KALRN: variants seen among roughly 807,000 people sequenced by gnomAD.
KALRN encodes kalirin RhoGEF kinase.
Under a neutral mutation model 353.7 loss-of-function variants are expected in KALRN, and 70 were observed. That is an observed-to-expected ratio of 0.20 (90% CI 0.16 to 0.24). The LOEUF (loss-of-function observed/expected upper bound fraction) is 0.24. Ranked by LOEUF, KALRN falls within the 10% of genes least tolerant of loss-of-function variation. The pLI is 1.00. For missense variants in KALRN, 2,791 were observed against 3,756.7 expected, an observed-to-expected ratio of 0.74 and a Z score of 6.72; for synonymous variants, 1,391 against 1,434.8, an observed-to-expected ratio of 0.97 and a Z score of 0.69.
intron 34 of KALRN, among the ~76,000 whole-genome samples, chr3:124,604,824 CCA>C (rs1391439563): frequency 6.7e-6 from 1 of 150,374 alleles, no homozygotes; most frequent in Admixed American, 6.6e-5. Flanking sequence ...GTAGGTGGGA[CCA>C]CAAGGATGTG....
intron 1 of KALRN, among the ~76,000 whole-genome samples, chr3:124,077,566 A>T (rs2149299352): frequency 6.6e-6 from 1 of 151,500 alleles, no homozygotes; most frequent in African/African-American, 2.4e-5. Flanking sequence ...GATCATCCTT[A>T]ATTGTCCCCG....
intron 1 of KALRN, among the ~76,000 whole-genome samples, chr3:124,197,304 T>C (rs945164198): frequency 5.3e-5 from 8 of 152,246 alleles, no homozygotes; most frequent in African/African-American, 1.4e-4. Flanking sequence ...GGGGAGAAGA[T>C]GCTTACTTTC....
chr3:124,185,065 G>C (rs2074052965), intron 1 of KALRN, among the ~76,000 whole-genome samples: 1 of 152,126 alleles, frequency 6.6e-6, no homozygotes, highest in Non-Finnish European at 1.5e-5. Flanking sequence ...GCCCAAGCTG[G>C]AGTGCAATGG....
At chr3:124,292,575 G>C (rs748656124) in intron 5 of KALRN, among the ~76,000 whole-genome samples, 10 of 152,086 alleles carry the variant, frequency 6.6e-5, no homozygotes, top group African/African-American at 2.2e-4. Context: ...CTCTGAGTGC[G>C]TGAAGGTGGA....
intron 18 of KALRN, among the ~76,000 whole-genome samples, chr3:124,439,933 G>T (rs1042743365): frequency 6.6e-6 from 1 of 152,180 alleles, no homozygotes; most frequent in Admixed American, 6.5e-5. Flanking sequence ...GGGAATAGAA[G>T]AGACAATTTT....
At chr3:124,222,819 G>A (rs1220596508) in intron 1 of KALRN, among the ~76,000 whole-genome samples, 1 of 152,034 alleles carries the variant, frequency 6.6e-6, no homozygotes, top group Non-Finnish European at 1.5e-5. Context: ...TGCCTATGCT[G>A]GTCTCAAACT....
chr3:124,688,522 C>G (rs1333259004), intron 51 of KALRN, among the ~76,000 whole-genome samples: 1 of 151,990 alleles, frequency 6.6e-6, no homozygotes, highest in Non-Finnish European at 1.5e-5. Context: ...AATACAGGTT[C>G]ATATGAAACA....
At chr3:124,242,243 A>G (rs983538266) in intron 3 of KALRN, among the ~76,000 whole-genome samples, 50 of 152,366 alleles carry the variant, frequency 3.3e-4, no homozygotes, top group African/African-American at 1.2e-3. Flanking sequence ...ACTAGCATTT[A>G]TTAATCAATT....
rs369965645 is a variant in KALRN at position 124,713,941 on chromosome 3, C to T, written c.8276+806C>T. Among the ~76,000 whole-genome samples, 21 of 152,162 alleles carry T rather than the reference C, an allele frequency of 1.4e-4. No homozygotes were observed. The East Asian group carries it at 2.9e-3, about 21-fold the overall frequency. ...CAGCTTTTCAACTACCATGTTAGTC[C>T]GGCTCTTGCGTGCTTGTTAGTCTAG... On this transcript the variant is annotated intron_variant, in intron 58 of 59. Transcript: ENST00000682506.
Position 124,632,499 on chromosome 3 carries a change from C to T in KALRN, c.5262C>T (p.Asn1754=), listed in dbSNP as rs1247361084. 6 of 1,614,214 alleles carry T rather than the reference C, an allele frequency of 3.7e-6. No homozygotes were observed. In the East Asian group the frequency reaches 8.9e-5, roughly 24 times the overall value. ...VANLQAQPSL[N]SIHSSPGPKR... is the part of the protein sequence containing the mutation. ...ACCTGCAGGCCCAGCCCTCCCTGAA[C>T]TCCATCCACAGTTCCCCGGGTCCCA... is the stretch of plus-strand genomic sequence containing the variant. Residue 1754 remains asparagine, a synonymous_variant, in exon 35 of 60, where the codon AAC becomes AAT. Transcript: ENST00000682506.
chr3:124,237,647 G>A (rs1333609218), intron 3 of KALRN, among the ~76,000 whole-genome samples: 2 of 152,164 alleles, frequency 1.3e-5, no homozygotes, highest in Non-Finnish European at 2.9e-5. Context: ...ACAGGCATGA[G>A]CCACCTCTCC....
In KALRN at chr3:124,714,889, A is replaced by G. The variant is rs996458976; in HGVS notation, c.8276+1754A>G. ...AAATTAGCTGGACATGGTGGCAGGC[A>G]CCTGTAATCCCAGCTACTCGGGAGG... On this transcript the variant is annotated intron_variant, in intron 58 of 59. Transcript: ENST00000682506. Among the ~76,000 whole-genome samples the G allele has an allele frequency of 2.6e-5, 4 of 151,984 alleles. No individual in the cohort carries two copies. The East Asian group carries it at 7.7e-4, about 29-fold the overall frequency.
intron 5 of KALRN, among the ~76,000 whole-genome samples, chr3:124,286,091 C>CTTTCTTTT (rs1553893936): frequency 1.5e-5 from 2 of 136,192 alleles, no homozygotes; most frequent in East Asian, 2.2e-4. Context: ...TCCTTTCTTT[C>CTTTCTTTT]TTTCTTTCTT....
intron 1 of KALRN, among the ~76,000 whole-genome samples, chr3:124,081,997 T>G (rs925785770): frequency 2.0e-5 from 3 of 152,228 alleles, no homozygotes; most frequent in African/African-American, 4.8e-5. Flanking sequence ...AACTTACTTT[T>G]ATCTAGCTTA....
chr3:124,413,692 C>T, intron 14 of KALRN, 27 bp downstream of exon 14: 8 of 1,578,520 alleles, frequency 5.1e-6, no homozygotes, highest in Non-Finnish European at 5.2e-6. Flanking sequence ...ATTCTCCTGG[C>T]AGAGGAGATG....
Position 124,175,228 on chromosome 3 carries a change from C to T in KALRN, c.74-52762C>T, listed in dbSNP as rs539018535. Among the ~76,000 whole-genome samples the T allele has an allele frequency of 2.9e-3, 434 of 152,278 alleles. 1 individual carries two copies. The highest frequency in any genetic ancestry group is 5.3e-3 in the Non-Finnish European group (361 of 68,038). On this transcript the variant is annotated intron_variant, in intron 1 of 59. Transcript: ENST00000682506. ...GACCAAGTTCTCTGCACTCAAGATG[C>T]GGAAGGAATATTAGGAATGGGAGAC...
At chr3:124,251,355 C>CTTTTTTTTTTTTTTTT (rs57628448) in intron 3 of KALRN, among the ~76,000 whole-genome samples, 1 of 133,700 alleles carries the variant, frequency 7.5e-6, no homozygotes, top group Non-Finnish European at 1.6e-5. Context: ...CAAGTCTTTG[C>CTTTTTTTTTTTTTTTT]TTTTTTTTTT....
At chr3:124,338,933 G>T (rs921809435) in intron 9 of KALRN, among the ~76,000 whole-genome samples, 5 of 152,206 alleles carry the variant, frequency 3.3e-5, no homozygotes, top group Non-Finnish European at 7.3e-5. Flanking sequence ...TTTTCAAAGT[G>T]TGATACTTGG....
intron 33 of KALRN, among the ~76,000 whole-genome samples, chr3:124,524,723 G>A (rs1341511223): frequency 6.6e-6 from 1 of 152,122 alleles, no homozygotes; most frequent in African/African-American, 2.4e-5. Context: ...GTGCATATAG[G>A]TACACAAATA....
Sources: allele counts gnomAD v4.1 joint callset (sites outside exome capture counted in the v4.1 genomes callset), GRCh38; gene constraint gnomAD v4.1.1; transcripts MANE v1.5; gene names NCBI Gene and HGNC (gene_info 2026-07-23, HGNC 2026-07-21).